Variants in FRAS1 observed in about 807,000 individuals in gnomAD.
The protein encoded by FRAS1 is extracellular matrix organizing protein FRAS1.
In FRAS1, 290 loss-of-function variants were observed where a neutral mutation model predicts 435.2. That is an observed-to-expected ratio of 0.67 (90% CI 0.61 to 0.73). The LOEUF is 0.73. FRAS1 is among the 30% of genes least tolerant of loss of function. The pLI, the probability that FRAS1 is intolerant of heterozygous loss-of-function variation, is 0.00. For missense variants in FRAS1, 4,860 were observed against 5,001.5 expected (o/e 0.97, Z 0.85); for synonymous variants, 1,800 against 1,851.0 (o/e 0.97, Z 0.71).
chr4:78,368,331 ATTCT>A (rs1274004625), intron 22 of FRAS1, among the ~76,000 whole-genome samples: 7 of 139,992 alleles, frequency 5.0e-5, no homozygotes, highest in Non-Finnish European at 7.7e-5. Flanking sequence ...AAACAATAGC[ATTCT>A]TTTTTTTTTT....
chr4:78,187,435 C>A (rs11098085), intron 2 of FRAS1, among the ~76,000 whole-genome samples: 78,237 of 151,866 alleles, frequency 0.52, 22,511 homozygotes, highest in East Asian at 0.68. Context: ...CAAACTTTGT[C>A]CCCATAGTTG....
rs1335946394 is a variant in FRAS1 at position 78,541,385 on chromosome 4, T to G, written c.*261T>G. ...CACAGCTCCTTCTGTAAGGCTGGTC[T>G]TAGAAAACAAGTACTTTAGTATCAG... On this transcript the variant is annotated 3_prime_UTR_variant, in exon 74 of 74. Transcript: ENST00000512123. The G allele has an allele frequency of 6.6e-6, 2 of 303,608 alleles. No individual in the cohort carries two copies. The highest frequency in any genetic ancestry group is 4.3e-5 in the African/African-American group (2 of 46,572). 18.8% of individuals were successfully genotyped at this position (303,608 alleles called of 1,614,324 possible).
rs368186922 is a variant in FRAS1, at chr4:78,315,711, C to T, written c.1796C>T (p.Ala599Val). The T allele has an allele frequency of 2.7e-4, 442 of 1,613,970 alleles. No individual in the cohort carries two copies. Among genetic ancestry groups the T allele is most frequent in the Non-Finnish European group, 3.5e-4 (408 of 1,179,868 alleles). ...CMSECPGGYY[A>V]DATGRCKVCH... ...TCTGAATGCCCTGGCGGGTACTATG[C>T]TGATGCCACTGGCAGGTGCAAAGGT... Residue 599 changes from alanine to valine, a missense_variant, in exon 16 of 74, where the codon GCT becomes GTT. Coordinates refer to ENST00000512123, the MANE Select transcript of FRAS1 (RefSeq NM_025074.7).
At chr4:78,439,152 G>A in intron 40 of FRAS1, 88 bp downstream of exon 40, 7 of 1,158,810 alleles carry the variant, frequency 6.0e-6, no homozygotes, top group Non-Finnish European at 3.7e-6. Context: ...GCCTAAATTG[G>A]CTGCCAAATA....
At chr4:78,174,975 A>G (rs542146637) in intron 2 of FRAS1, among the ~76,000 whole-genome samples, 1 of 152,384 alleles carries the variant, frequency 6.6e-6, no homozygotes, top group East Asian at 1.9e-4. Flanking sequence ...GCAGAAAGGC[A>G]TTACTGTATT....
At chr4:78,281,288 T>C in intron 10 of FRAS1, 110 bp from the exon 11 acceptor site, 1 of 681,614 alleles carries the variant, frequency 1.5e-6, no homozygotes, top group Non-Finnish European at 2.5e-6. Context: ...AACCAGTGAA[T>C]AAAGTTGCAT....
chr4:78,327,604 AT>A (rs1262843037), intron 18 of FRAS1, among the ~76,000 whole-genome samples: 5 of 152,158 alleles, frequency 3.3e-5, no homozygotes, highest in African/African-American at 9.7e-5. Context: ...CAGCTCACTT[AT>A]GCTTTTTCAG....
rs188493001 is a variant in FRAS1, at chr4:78,174,952, C to T, written c.109-62558C>T. On this transcript the variant is annotated intron_variant, in intron 2 of 73. Coordinates refer to ENST00000512123, the MANE Select transcript of FRAS1 (RefSeq NM_025074.7). The stretch of plus-strand genomic sequence containing the variant: ...ATGCATTACATTCATGCACAGGCTG[C>T]GGTATTATTGAGGCAGAAAGGCATT... Among the ~76,000 whole-genome samples the T allele has an allele frequency of 6.1e-4, 93 of 152,250 alleles. 1 individual carries two copies. The highest frequency in any genetic ancestry group is 2.2e-3 in the African/African-American group (91 of 41,536).
At chr4:78,514,155 G>A (rs898021638) in intron 65 of FRAS1, among the ~76,000 whole-genome samples, 1 of 152,242 alleles carries the variant, frequency 6.6e-6, no homozygotes, top group African/African-American at 2.4e-5. Flanking sequence ...GCTCTGGAGA[G>A]ACTTGTCCTA....
intron 4 of FRAS1, among the ~76,000 whole-genome samples, chr4:78,247,529 CTCTT>C (rs1271873727): frequency 3.3e-5 from 5 of 152,072 alleles, no homozygotes; most frequent in African/African-American, 4.8e-5. Flanking sequence ...TGTCCTTCCT[CTCTT>C]TCTTTCTTCA....
In FRAS1 at chr4:78,401,213, G is replaced by C. The variant is rs1578300250; in HGVS notation, c.4129+326G>C. Among the ~76,000 whole-genome samples, 3 of 152,190 alleles carry C rather than the reference G, an allele frequency of 2.0e-5. No homozygotes were observed. In the South Asian group the frequency reaches 6.2e-4, roughly 32 times the overall value. Reference sequence around the variant, plus strand: ...TACGTCAGTTTAATTTCAAAGGTCAGGCTCTCAAACTCTGTATTATATGCC... The same window carrying C: ...TACGTCAGTTTAATTTCAAAGGTCACGCTCTCAAACTCTGTATTATATGCC... On this transcript the variant is annotated intron_variant, in intron 30 of 73. Coordinates refer to ENST00000512123, the MANE Select transcript of FRAS1 (RefSeq NM_025074.7).
intron 14 of FRAS1, among the ~76,000 whole-genome samples, chr4:78,295,733 A>G (rs345507): frequency 0.68 from 102,300 of 151,390 alleles, 34,932 homozygotes; most frequent in African/African-American, 0.71. Flanking sequence ...TGTATGCCTG[A>G]GTAGATATTT....
In FRAS1 at chr4:78,369,834, T is replaced by C; in HGVS notation, c.2723-4T>C. 3 of 1,609,150 alleles carry C rather than the reference T, an allele frequency of 1.9e-6. No homozygotes were observed. The highest frequency in any genetic ancestry group is 2.5e-6 in the Non-Finnish European group (3 of 1,177,342). ...CTGGTCATTTTCTTTTCCTGTCTGC[T>C]CAGCATGCAACACACACTGTGGAAG... On this transcript the variant is annotated splice_polypyrimidine_tract_variant and splice_region_variant and intron_variant, in intron 22 of 73. Transcript: ENST00000512123.
chr4:78,323,779 T>C (rs1345660264), intron 18 of FRAS1, among the ~76,000 whole-genome samples: 5 of 152,230 alleles, frequency 3.3e-5, no homozygotes, highest in Admixed American at 3.3e-4. Context: ...TGATGTTCCT[T>C]GGATCTATTT....
At chr4:78,095,084 A>G (rs145002252) in intron 2 of FRAS1, among the ~76,000 whole-genome samples, 1 of 152,334 alleles carries the variant, frequency 6.6e-6, no homozygotes, top group African/African-American at 2.4e-5. Context: ...ACAATAATAA[A>G]AGCAATGTAA....
chr4:78,182,041 A>G (rs1213921189), intron 2 of FRAS1: 2 of 1,515,446 alleles, frequency 1.3e-6, no homozygotes, highest in East Asian at 2.3e-5. Flanking sequence ...GTAAGTGCCC[A>G]GGCATGATGG....
Position 78,466,153 on chromosome 4 carries a change from CTT to C in FRAS1, c.7030-52_7030-51del. The C allele has an allele frequency of 2.7e-6, 4 of 1,475,702 alleles. No homozygotes were observed. The South Asian group carries it at 4.7e-5, about 17-fold the overall frequency. 91.4% of individuals were successfully genotyped at this position (1,475,702 alleles called of 1,614,324 possible). On this transcript the variant is annotated intron_variant, in intron 49 of 73. Transcript: ENST00000512123. Reference sequence around the variant, plus strand: ...GATCAGCAATTGGGCATCACTCACTCTTTTGGTTTCTGTTATGAGCTTCCCTC... The same window carrying C: ...GATCAGCAATTGGGCATCACTCACTCTTGGTTTCTGTTATGAGCTTCCCTC...
rs1025056469 is a variant in FRAS1 at position 78,522,644 on chromosome 4, A to G, written c.10649-5A>G. On this transcript the variant is annotated splice_region_variant and splice_polypyrimidine_tract_variant and intron_variant, in intron 68 of 73. Transcript: ENST00000512123. ...ATTAAATGCATGTGTTTCCCCTTCAAATAGGACAGTTTGTGATGGAGCATC... is the reference window on the plus strand; with the variant it reads ...ATTAAATGCATGTGTTTCCCCTTCAGATAGGACAGTTTGTGATGGAGCATC... The G allele has an allele frequency of 6.3e-7, 1 of 1,596,360 alleles. No homozygotes were observed. Among genetic ancestry groups the G allele is most frequent in the African/African-American group, 1.3e-5 (1 of 74,630 alleles).
At chr4:78,333,488 A>T (rs547299070) in intron 19 of FRAS1, 76 bp downstream of exon 19, 1 of 1,442,072 alleles carries the variant, frequency 6.9e-7, no homozygotes, top group Admixed American at 2.4e-5. Flanking sequence ...CACTGTAATT[A>T]GAAACCTTGT....
Sources: allele counts gnomAD v4.1 joint callset (sites outside exome capture counted in the v4.1 genomes callset), GRCh38; gene constraint gnomAD v4.1.1; transcripts MANE v1.5; gene names NCBI Gene and HGNC (gene_info 2026-07-23, HGNC 2026-07-21).